The following SCFD2 variants were observed in gnomAD, a reference collection of about 807,000 sequenced individuals.
The protein encoded by SCFD2 is sec1 family domain-containing protein 2.
In SCFD2, 54 loss-of-function variants were observed where a neutral mutation model predicts 58.9. The ratio of observed to expected loss-of-function variants is 0.92; its 90% confidence interval spans 0.74 to 1.15. The LOEUF is 1.15. Among genes scored for constraint, SCFD2 ranks in the 50% most tolerant of loss-of-function variants. The pLI, the probability that SCFD2 is intolerant of heterozygous loss-of-function variation, is 0.00. For synonymous variants in SCFD2, 321 were observed against 335.9 expected (o/e 0.96, Z 0.49); for missense variants, 805 against 836.6 (o/e 0.96, Z 0.47).
intron 4 of SCFD2, among the ~76,000 whole-genome samples, chr4:53,168,170 G>C (rs1224220936): frequency 6.6e-6 from 1 of 152,186 alleles, no homozygotes; most frequent in Non-Finnish European, 1.5e-5. Flanking sequence ...GAAACTACTG[G>C]CTTCCTTGCA....
rs549909813 is a variant in SCFD2 at position 53,197,103 on chromosome 4, C to T, written c.1312-51521G>A. 3.3e-5 allele frequency among the ~76,000 whole-genome samples: 5 copies of T among 152,212 alleles called. No homozygotes were observed. In the East Asian group the frequency reaches 9.6e-4, roughly 29 times the overall value. On this transcript the variant is annotated intron_variant, in intron 4 of 8. Coordinates refer to ENST00000401642, the MANE Select transcript of SCFD2 (RefSeq NM_152540.4). The stretch of plus-strand genomic sequence containing the variant: ...TCACAAAACCCGGAGTAAGATCCAT[C>T]ATCCCAAAGCATGGCGGGGGAGGAA...
chr4:53,194,853 A>T (rs1041180360), intron 4 of SCFD2, among the ~76,000 whole-genome samples: 5 of 152,156 alleles, frequency 3.3e-5, no homozygotes, highest in East Asian at 1.9e-4. Context: ...CAAAAAATTT[A>T]AAAAAAGATT....
At position 53,118,555 on chromosome 4, in the gene SCFD2, T is replaced by TTACA. The variant is rs1725387761; in HGVS notation, c.1561+26774_1561+26777dup. Among the ~76,000 whole-genome samples the TTACA allele has an allele frequency of 2.6e-5, 4 of 152,180 alleles. No homozygotes were observed. The South Asian group carries it at 8.3e-4, about 32-fold the overall frequency. Reference sequence around the variant, plus strand: ...AGTAGAATTTTCTTCCAGGTTCAGTTTACAGCAAGGTACAATAACAGTAAA... The same window carrying TTACA: ...AGTAGAATTTTCTTCCAGGTTCAGTTTACATACAGCAAGGTACAATAACAGTAAA... On this transcript the variant is annotated intron_variant, in intron 5 of 8. Coordinates refer to ENST00000401642, the MANE Select transcript of SCFD2 (RefSeq NM_152540.4).
intron 5 of SCFD2, among the ~76,000 whole-genome samples, chr4:53,045,517 A>T (rs1057500639): frequency 2.0e-5 from 3 of 152,162 alleles, no homozygotes; most frequent in Non-Finnish European, 2.9e-5. Context: ...ATACTATACA[A>T]ATAAATTTAT....
chr4:53,223,064 G>A (rs546217909), intron 4 of SCFD2, among the ~76,000 whole-genome samples: 15 of 152,208 alleles, frequency 9.9e-5, no homozygotes, highest in African/African-American at 3.1e-4. Context: ...CAACAGGCAG[G>A]AGCACCCATT....
At chr4:53,087,649 T>C (rs953462906) in intron 5 of SCFD2, among the ~76,000 whole-genome samples, 3 of 148,590 alleles carry the variant, frequency 2.0e-5, no homozygotes, top group East Asian at 4.1e-4. Flanking sequence ...ATTTCTTTTT[T>C]CTTTTTCCTT....
intron 1 of SCFD2, among the ~76,000 whole-genome samples, chr4:53,356,966 T>A (rs542340715): frequency 6.6e-6 from 1 of 152,212 alleles, no homozygotes; most frequent in Non-Finnish European, 1.5e-5. Context: ...ACACCTACCT[T>A]CATTAATATT....
chr4:53,299,963 AG>A (rs1487779408), intron 3 of SCFD2, among the ~76,000 whole-genome samples: 1 of 152,228 alleles, frequency 6.6e-6, no homozygotes, highest in Non-Finnish European at 1.5e-5. Context: ...AAACATGGAA[AG>A]GAACAACTGG....
At chr4:53,339,586 A>C (rs564118257) in intron 2 of SCFD2, among the ~76,000 whole-genome samples, 2 of 152,250 alleles carry the variant, frequency 1.3e-5, no homozygotes, top group East Asian at 3.9e-4. Flanking sequence ...CCTGGCCAAC[A>C]TGGTGAAACC....
chr4:53,119,054 A>C (rs185624704), intron 5 of SCFD2, among the ~76,000 whole-genome samples: 1 of 152,310 alleles, frequency 6.6e-6, no homozygotes, highest in Non-Finnish European at 1.5e-5. Context: ...ACGGTGGCTC[A>C]TGCCTGTAAT....
intron 4 of SCFD2, among the ~76,000 whole-genome samples, chr4:53,225,228 A>G (rs558191993): frequency 9.2e-5 from 14 of 152,292 alleles, no homozygotes; most frequent in African/African-American, 3.1e-4. Context: ...CTCTTCCAAT[A>G]GTAATGTTTC....
chr4:53,336,283 G>T (rs1210246725), intron 2 of SCFD2, among the ~76,000 whole-genome samples: 2 of 151,966 alleles, frequency 1.3e-5, no homozygotes, highest in African/African-American at 4.8e-5. Context: ...GAAACAAAAG[G>T]TAAAGACAAT....
Position 53,003,630 on chromosome 4 carries a change from G to C in SCFD2, c.1562-82760C>G, listed in dbSNP as rs77448336. On this transcript the variant is annotated intron_variant, in intron 5 of 8. Coordinates refer to ENST00000401642, the MANE Select transcript of SCFD2 (RefSeq NM_152540.4). ...GTAGAGTGATAAGGACAACAATAAA[G>C]TTGTGTCCCTGTACAGAAATTGCAC... Among the ~76,000 whole-genome samples the C allele has an allele frequency of 3.3e-5, 5 of 152,340 alleles. No homozygotes were observed. The East Asian group carries it at 9.6e-4, about 29-fold the overall frequency.
intron 4 of SCFD2, among the ~76,000 whole-genome samples, chr4:53,235,777 G>T (rs1158027279): frequency 6.6e-6 from 1 of 152,188 alleles, no homozygotes. Context: ...GAAAGTATGA[G>T]CATGCGTGTG....
chr4:53,124,699 C>T (rs1725575065), intron 5 of SCFD2, among the ~76,000 whole-genome samples: 1 of 152,066 alleles, frequency 6.6e-6, no homozygotes, highest in African/African-American at 2.4e-5. Flanking sequence ...AGGTCTAGAC[C>T]CCAAAGGATC....
chr4:52,899,650 G>T (rs1719129685), intron 7 of SCFD2, among the ~76,000 whole-genome samples: 1 of 152,172 alleles, frequency 6.6e-6, no homozygotes. Context: ...TTCTCGAGGA[G>T]TATCTTTGTG....
chr4:53,303,101 G>A (rs1732373815), intron 3 of SCFD2, among the ~76,000 whole-genome samples: 1 of 152,102 alleles, frequency 6.6e-6, no homozygotes, highest in Non-Finnish European at 1.5e-5. Context: ...ATAGACAAAT[G>A]GAATCTACTT....
chr4:53,303,644 C>T (rs1323528417), intron 3 of SCFD2, among the ~76,000 whole-genome samples: 1 of 152,082 alleles, frequency 6.6e-6, no homozygotes, highest in African/African-American at 2.4e-5. Flanking sequence ...TATAAAGACA[C>T]ATGCACATGT....
At chr4:52,944,554 A>T (rs920905945) in intron 5 of SCFD2, among the ~76,000 whole-genome samples, 16 of 152,090 alleles carry the variant, frequency 1.1e-4, no homozygotes, top group African/African-American at 3.6e-4. Flanking sequence ...AGATGTCATG[A>T]CTCTTTTATT....
Sources: allele counts gnomAD v4.1 joint callset (sites outside exome capture counted in the v4.1 genomes callset), GRCh38; gene constraint gnomAD v4.1.1; transcripts MANE v1.5; gene names NCBI Gene and HGNC (gene_info 2026-07-23, HGNC 2026-07-21).